The following TGFA variants were observed in gnomAD, a reference collection of about 807,000 sequenced individuals.
TGFA encodes transforming growth factor alpha.
TGFA carries 12 observed loss-of-function variants against 21.7 expected under a neutral mutation model. The ratio of observed to expected loss-of-function variants is 0.55; its 90% CI spans 0.35 to 0.90. The LOEUF (loss-of-function observed/expected upper bound fraction) is 0.90. TGFA is among the 40% of genes least tolerant of loss of function. The pLI is 0.01. For missense variants in TGFA, 178 were observed against 210.8 expected, an observed-to-expected ratio of 0.84 and a Z score of 0.96; for synonymous variants, 79 against 88.1, an observed-to-expected ratio of 0.90 and a Z score of 0.58.
At chr2:70,523,906 T>C (rs781921443) in intron 1 of TGFA, among the ~76,000 whole-genome samples, 2 of 152,198 alleles carry the variant, frequency 1.3e-5, no homozygotes, top group Non-Finnish European at 2.9e-5. Flanking sequence ...TGCAGCTATG[T>C]TAACAGAGAA....
intron 2 of TGFA, among the ~76,000 whole-genome samples, chr2:70,493,146 G>A (rs1364933583): frequency 6.6e-6 from 1 of 152,062 alleles, no homozygotes; most frequent in East Asian, 1.9e-4. Context: ...AATGCTCCAC[G>A]TACCAAGTTA....
At chr2:70,547,717 C>A (rs1230268993) in intron 1 of TGFA, among the ~76,000 whole-genome samples, 1 of 147,630 alleles carries the variant, frequency 6.8e-6, no homozygotes, top group African/African-American at 2.5e-5. Flanking sequence ...AGATAGTATA[C>A]TATCTATACT....
At chr2:70,553,632 G>A (rs1673585545) in intron 1 of TGFA, 96 bp downstream of exon 1, 3 of 1,307,848 alleles carry the variant, frequency 2.3e-6, no homozygotes, top group African/African-American at 1.5e-5. Flanking sequence ...CACTCTCCCA[G>A]GCGGGCGCAG....
At chr2:70,466,728 C>A (rs908114987) in intron 2 of TGFA, among the ~76,000 whole-genome samples, 3 of 152,160 alleles carry the variant, frequency 2.0e-5, no homozygotes, top group Non-Finnish European at 4.4e-5. Flanking sequence ...AAGATACACA[C>A]ATGCGTCTGT....
intron 2 of TGFA, among the ~76,000 whole-genome samples, chr2:70,472,838 T>G (rs1284904678): frequency 6.6e-6 from 1 of 152,254 alleles, no homozygotes; most frequent in Non-Finnish European, 1.5e-5. Flanking sequence ...ATTTCATAAC[T>G]TCCTCAGATA....
chr2:70,453,526 T>A (rs1369776702), intron 4 of TGFA, among the ~76,000 whole-genome samples, 199 bp from the exon 5 acceptor site: 1 of 152,216 alleles, frequency 6.6e-6, no homozygotes, highest in East Asian at 1.9e-4. Flanking sequence ...GGGCAGATGC[T>A]GGCCAACAAC....
chr2:70,452,383 C>T (rs1670084812), intron 5 of TGFA, among the ~76,000 whole-genome samples: 1 of 152,092 alleles, frequency 6.6e-6, no homozygotes, highest in African/African-American at 2.4e-5. Context: ...CAAGCTGGGC[C>T]CCACATCCTG....
intron 2 of TGFA, among the ~76,000 whole-genome samples, chr2:70,512,550 G>A (rs1355420018): frequency 1.3e-5 from 2 of 152,218 alleles, no homozygotes; most frequent in Non-Finnish European, 2.9e-5. Context: ...ACAATGAGGG[G>A]AAGTAAACCT....
intron 1 of TGFA, among the ~76,000 whole-genome samples, chr2:70,519,369 A>T (rs1283477994): frequency 6.6e-6 from 1 of 152,228 alleles, no homozygotes; most frequent in East Asian, 1.9e-4. Flanking sequence ...CTTATGAATT[A>T]TATCCCAACA....
intron 1 of TGFA, among the ~76,000 whole-genome samples, chr2:70,517,071 A>G (rs1553501676): frequency 1.3e-5 from 2 of 152,208 alleles, no homozygotes; most frequent in Admixed American, 1.3e-4. Flanking sequence ...GAGGGTGTGC[A>G]ATGGGGGCCT....
At chr2:70,464,572 C>T (rs894377205) in intron 3 of TGFA, among the ~76,000 whole-genome samples, 3 of 152,094 alleles carry the variant, frequency 2.0e-5, no homozygotes, top group African/African-American at 7.2e-5. Context: ...CCAGGGATAC[C>T]GCTGACTTCC....
In TGFA at chr2:70,447,617, G is replaced by C. The variant is rs503314; in HGVS notation, c.*3242C>G. On this transcript the variant is annotated 3_prime_UTR_variant, in exon 6 of 6. Coordinates refer to ENST00000295400, the MANE Select transcript of TGFA (RefSeq NM_003236.4). ...CATTTTAGTAAATTATTAAGACTAA[G>C]AAGAGGAGTTGCTTTTTCAGTACTC... is the stretch of plus-strand genomic sequence containing the variant. 55,027 of 152,442 alleles carry C rather than the reference G, an allele frequency of 0.36. 10,302 individuals carry two copies. Among genetic ancestry groups the C allele is most frequent in the Middle Eastern group, 0.51 (150 of 294 alleles). 9.4% of individuals were successfully genotyped at this position (152,442 alleles called of 1,614,324 possible). A position where few individuals can be genotyped will look rare whatever the true frequency, so the allele number is the denominator to read the frequency against.
chr2:70,453,379 G>T, intron 4 of TGFA, 52 bp from the exon 5 acceptor site: 1 of 1,544,480 alleles, frequency 6.5e-7, no homozygotes, highest in South Asian at 1.1e-5. Context: ...AGGAGGGCCA[G>T]GGTGGTACAG....
chr2:70,553,597 C>G, intron 1 of TGFA, 131 bp downstream of exon 1: 1 of 1,314,006 alleles, frequency 7.6e-7, no homozygotes, highest in Non-Finnish European at 9.7e-7. Context: ...CAGGCGCCAA[C>G]CCATTGAGAC....
intron 5 of TGFA, among the ~76,000 whole-genome samples, chr2:70,452,439 CTT>C (rs782115051): frequency 2.0e-5 from 3 of 152,060 alleles, no homozygotes; most frequent in Non-Finnish European, 4.4e-5. Flanking sequence ...ACAAGGTAAA[CTT>C]AATGAAGATC....
chr2:70,514,266 A>G (rs1460115381), intron 2 of TGFA, among the ~76,000 whole-genome samples: 2 of 152,216 alleles, frequency 1.3e-5, no homozygotes, highest in Non-Finnish European at 2.9e-5. Context: ...GTATAAAAAT[A>G]TTAACACACA....
At chr2:70,490,010 TTTAA>T (rs1671382644) in intron 2 of TGFA, among the ~76,000 whole-genome samples, 1 of 152,188 alleles carries the variant, frequency 6.6e-6, no homozygotes, top group African/African-American at 2.4e-5. Context: ...GAGATAATGA[TTTAA>T]TTGTTATGGG....
intron 1 of TGFA, among the ~76,000 whole-genome samples, chr2:70,544,520 T>G (rs1466995240): frequency 2.0e-5 from 3 of 152,060 alleles, no homozygotes; most frequent in Non-Finnish European, 4.4e-5. Flanking sequence ...TTAGAATAGA[T>G]AGCAGGGGGA....
intron 1 of TGFA, among the ~76,000 whole-genome samples, chr2:70,552,390 T>A (rs11466196): frequency 6.6e-6 from 1 of 152,144 alleles, no homozygotes; most frequent in Non-Finnish European, 1.5e-5. Flanking sequence ...GATAATTATA[T>A]CCAGGAAGCT....
Sources: gnomAD v4.1 joint callset for allele counts (sites outside exome capture counted in the v4.1 genomes callset) on GRCh38, gnomAD v4.1.1 for gene constraint, MANE v1.5 for transcripts, NCBI Gene and HGNC (gene_info 2026-07-23, HGNC 2026-07-21) for gene names.